The following THSD7A variants were observed in gnomAD, a reference collection of about 807,000 sequenced individuals.
THSD7A encodes the protein thrombospondin type-1 domain-containing protein 7A.
Under a neutral mutation model 231.3 loss-of-function variants are expected in THSD7A, and 96 were observed. The observed-to-expected ratio is 0.41, with a 90% CI of 0.35 to 0.49. The LOEUF (loss-of-function observed/expected upper bound fraction) is 0.49, where lower values mean the gene tolerates loss of function less well. THSD7A is among the 20% of genes least tolerant of loss of function. The probability of loss-of-function intolerance (pLI) is 0.05; values close to 1 mark genes in which losing one functional copy is unlikely to be tolerated. For missense variants in THSD7A, 2,290 were observed against 2,070.2 expected (o/e 1.11, Z -2.06); for synonymous variants, 940 against 743.3 (o/e 1.26, Z -4.30).
At chr7:11,753,772 T>C (rs1583259600) in intron 1 of THSD7A, among the ~76,000 whole-genome samples, 1 of 150,782 alleles carries the variant, frequency 6.6e-6, no homozygotes, top group Non-Finnish European at 1.5e-5. Flanking sequence ...AACAATGCAA[T>C]GGAGAGAGAG....
Position 11,474,264 on chromosome 7 carries a change from C to T in THSD7A, c.2252+70G>A. ...ATCAAAATGTTCCATTTCATGAAGC[C>T]AGTGAAGCCTGAGCCAATCCTCTGC... On this transcript the variant is annotated intron_variant, in intron 8 of 27. Transcript: ENST00000423059. The surrounding 1 kb of genome is among the most constrained non-coding windows in gnomAD (Gnocchi z 4.1). The T allele has an allele frequency of 7.8e-7, 1 of 1,280,696 alleles. No homozygotes were observed. Among genetic ancestry groups the T allele is most frequent in the Admixed American group, 2.2e-5 (1 of 44,954 alleles). The allele number at this position is 1,280,696 out of a possible 1,614,324, so 79.3% of individuals were successfully genotyped here.
At chr7:11,758,907 T>G (rs778239252) in intron 1 of THSD7A, among the ~76,000 whole-genome samples, 4 of 152,080 alleles carry the variant, frequency 2.6e-5, no homozygotes, top group Non-Finnish European at 5.9e-5. Context: ...CCAGTAAAAC[T>G]TTATTCATGA....
chr7:11,659,302 G>A (rs921987670), intron 1 of THSD7A, among the ~76,000 whole-genome samples: 7 of 151,570 alleles, frequency 4.6e-5, no homozygotes, highest in Non-Finnish European at 8.9e-5. Flanking sequence ...GCACCGAGCG[G>A]TCAGAGAAAT....
At chr7:11,663,869 T>C (rs1783024739) in intron 1 of THSD7A, among the ~76,000 whole-genome samples, 1 of 151,724 alleles carries the variant, frequency 6.6e-6, no homozygotes, top group Non-Finnish European at 1.5e-5. Flanking sequence ...GAATGACATT[T>C]TGAAAAGTGC....
chr7:11,829,310 G>C (rs1343329179), intron 1 of THSD7A, among the ~76,000 whole-genome samples: 1 of 151,768 alleles, frequency 6.6e-6, no homozygotes, highest in Non-Finnish European at 1.5e-5. Context: ...TATAATATAT[G>C]TATCTGACAT....
At chr7:11,819,840 T>C (rs6460849) in intron 1 of THSD7A, among the ~76,000 whole-genome samples, 62,835 of 151,956 alleles carry the variant, frequency 0.41, 13,113 homozygotes, top group South Asian at 0.51. Context: ...TGTAGTAATA[T>C]TGGTTCATCA....
At chr7:11,608,507 G>T (rs942463304) in intron 2 of THSD7A, among the ~76,000 whole-genome samples, 4 of 152,072 alleles carry the variant, frequency 2.6e-5, no homozygotes, top group African/African-American at 9.7e-5. Context: ...TAGAACATTG[G>T]GTTACATTAA....
chr7:11,745,779 G>C (rs1782279283), intron 1 of THSD7A, among the ~76,000 whole-genome samples: 1 of 151,872 alleles, frequency 6.6e-6, no homozygotes, highest in African/African-American at 2.4e-5. Context: ...ATTTCTGAGG[G>C]CTCTGTTCTG....
At chr7:11,809,223 G>T (rs1784468975) in intron 1 of THSD7A, among the ~76,000 whole-genome samples, 2 of 152,156 alleles carry the variant, frequency 1.3e-5, no homozygotes, top group South Asian at 4.1e-4. Context: ...ATCATTACCA[G>T]TAATTTGGTG....
intron 1 of THSD7A, among the ~76,000 whole-genome samples, chr7:11,732,003 TAATA>T (rs2128157533): frequency 1.3e-5 from 2 of 151,826 alleles, no homozygotes; most frequent in African/African-American, 4.8e-5. Context: ...TTAGCAAAAT[TAATA>T]AATGAATATT....
Position 11,375,441 on chromosome 7 carries a change from C to G in THSD7A, c.*353G>C. 1 of 176,104 alleles carries G rather than the reference C, an allele frequency of 5.7e-6. No homozygotes were observed. The highest frequency in any genetic ancestry group is 1.7e-4 in the South Asian group (1 of 5,912). The allele number at this position is 176,104 out of a possible 1,614,324, so 10.9% of individuals were successfully genotyped here. The stretch of plus-strand genomic sequence containing the variant: ...CATGCTAGGAAGTTTTATGGATTAA[C>G]ACTGCAGACGGTCTTGTATCAGGCA... On this transcript the variant is annotated 3_prime_UTR_variant, in exon 28 of 28. Coordinates refer to ENST00000423059, the MANE Select transcript of THSD7A (RefSeq NM_015204.3).
At chr7:11,734,474 T>A (rs1781840483) in intron 1 of THSD7A, among the ~76,000 whole-genome samples, 1 of 151,994 alleles carries the variant, frequency 6.6e-6, no homozygotes, top group African/African-American at 2.4e-5. Flanking sequence ...GTGGTCAATC[T>A]TTTTCCATAT....
intron 11 of THSD7A, among the ~76,000 whole-genome samples, chr7:11,453,514 C>T (rs188341996): frequency 6.6e-6 from 1 of 151,932 alleles, no homozygotes; most frequent in East Asian, 1.9e-4. Context: ...AGACTGATGT[C>T]AGATTTTAGT....
At chr7:11,534,894 A>G (rs1788852071) in intron 6 of THSD7A, among the ~76,000 whole-genome samples, 1 of 152,192 alleles carries the variant, frequency 6.6e-6, no homozygotes, top group South Asian at 2.1e-4. Context: ...CTGTTGCCCC[A>G]GCTACTTGGG....
At chr7:11,820,350 T>C in intron 1 of THSD7A, 3 of 1,052,678 alleles carry the variant, frequency 2.8e-6, no homozygotes, top group African/African-American at 1.6e-5. Context: ...TGTCCTTCTC[T>C]TCTCTGTTCT....
At chr7:11,379,572 G>A in intron 25 of THSD7A, 58 bp downstream of exon 25, 1 of 1,434,584 alleles carries the variant, frequency 7.0e-7, no homozygotes, top group Non-Finnish European at 9.6e-7. Context: ...CTGCATAAGA[G>A]ACAGTGGGGT....
At chr7:11,770,019 T>G (rs1428200341) in intron 1 of THSD7A, among the ~76,000 whole-genome samples, 1 of 152,160 alleles carries the variant, frequency 6.6e-6, no homozygotes, top group Admixed American at 6.5e-5. Context: ...CTTTGAATAG[T>G]GGTGATTCAT....
intron 4 of THSD7A, among the ~76,000 whole-genome samples, chr7:11,561,839 A>G (rs1790091431): frequency 6.6e-6 from 1 of 150,976 alleles, no homozygotes; most frequent in Non-Finnish European, 1.5e-5. Context: ...CAACAGAGCA[A>G]CTCTGTGTCA....
intron 1 of THSD7A, among the ~76,000 whole-genome samples, chr7:11,812,110 T>C (rs1208660970): frequency 7.5e-6 from 1 of 133,332 alleles, no homozygotes; most frequent in Non-Finnish European, 1.6e-5. Flanking sequence ...GAAAATTGTG[T>C]GTGTGTGTGT....
Sources: allele counts gnomAD v4.1 joint callset (sites outside exome capture counted in the v4.1 genomes callset), GRCh38; gene constraint gnomAD v4.1.1; non-coding constraint Gnocchi (gnomAD v3.1); transcripts MANE v1.5; gene names NCBI Gene and HGNC (gene_info 2026-07-23, HGNC 2026-07-21).